The following NXPH2 variants were observed in gnomAD, a reference collection of about 807,000 sequenced individuals.
The protein encoded by NXPH2 is neurexophilin-2.
A neutral mutation model predicts 19.8 loss-of-function variants in NXPH2; 5 were observed. That is an observed-to-expected ratio of 0.25 (90% CI 0.13 to 0.53). The LOEUF (loss-of-function observed/expected upper bound fraction) is 0.53, where lower values mean the gene tolerates loss of function less well. Ranked by LOEUF, NXPH2 falls within the 20% of genes least tolerant of loss-of-function variation. NXPH2 has a pLI of 0.96. For synonymous variants in NXPH2, 154 were observed against 127.4 expected (o/e 1.21, Z -1.41); for missense variants, 289 against 322.8 (o/e 0.90, Z 0.80).
intron 1 of NXPH2, among the ~76,000 whole-genome samples, chr2:138,718,839 C>G (rs1427402921): frequency 1.3e-5 from 2 of 152,016 alleles, no homozygotes; most frequent in Non-Finnish European, 2.9e-5. Flanking sequence ...ATAGACTACA[C>G]ATGGAATACA....
intron 1 of NXPH2, among the ~76,000 whole-genome samples, chr2:138,707,560 T>C (rs917230529): frequency 1.3e-5 from 2 of 152,174 alleles, no homozygotes; most frequent in African/African-American, 4.8e-5. Context: ...AAATGCTTTA[T>C]GCTATCACTT....
At chr2:138,707,505 C>A (rs1356285459) in intron 1 of NXPH2, among the ~76,000 whole-genome samples, 1 of 152,164 alleles carries the variant, frequency 6.6e-6, no homozygotes, top group Non-Finnish European at 1.5e-5. Context: ...ACTGGGTTGT[C>A]TGACCCCAAA....
intron 1 of NXPH2, among the ~76,000 whole-genome samples, chr2:138,768,525 G>A (rs1326673600): frequency 6.6e-6 from 1 of 152,192 alleles, no homozygotes; most frequent in Non-Finnish European, 1.5e-5. Flanking sequence ...CTTAAATGAA[G>A]TGAAGCAAGG....
chr2:138,672,094 TAA>T (rs913340267), intron 1 of NXPH2, among the ~76,000 whole-genome samples: 18 of 152,218 alleles, frequency 1.2e-4, no homozygotes, highest in Non-Finnish European at 1.9e-4. Flanking sequence ...ATGATATTGA[TAA>T]GTCTTAAGTA....
At chr2:138,685,967 G>A (rs1441779496) in intron 1 of NXPH2, among the ~76,000 whole-genome samples, 3 of 151,998 alleles carry the variant, frequency 2.0e-5, no homozygotes, top group South Asian at 2.1e-4. Flanking sequence ...CTTATTCATC[G>A]TATGTCTCTA....
intron 1 of NXPH2, among the ~76,000 whole-genome samples, chr2:138,769,595 G>T (rs1027060436): frequency 2.6e-5 from 4 of 152,098 alleles, no homozygotes; most frequent in Non-Finnish European, 5.9e-5. Context: ...AAAGGCAAAG[G>T]AGAACCACAC....
intron 1 of NXPH2, among the ~76,000 whole-genome samples, chr2:138,736,175 G>A (rs770798201): frequency 2.6e-5 from 4 of 152,176 alleles, no homozygotes; most frequent in Non-Finnish European, 2.9e-5. Context: ...AGCTACACTA[G>A]GTGGTATCCC....
At chr2:138,771,872 C>T (rs1036615381) in intron 1 of NXPH2, among the ~76,000 whole-genome samples, 1 of 152,098 alleles carries the variant, frequency 6.6e-6, no homozygotes, top group African/African-American at 2.4e-5. Flanking sequence ...CAAAAGAAAT[C>T]TGGGTGGAGA....
chr2:138,730,159 A>G (rs1239481644), intron 1 of NXPH2, among the ~76,000 whole-genome samples: 5 of 151,680 alleles, frequency 3.3e-5, no homozygotes, highest in Non-Finnish European at 5.9e-5. Context: ...CATATGACAT[A>G]TGACTTTTTA....
intron 1 of NXPH2, among the ~76,000 whole-genome samples, chr2:138,704,298 A>G (rs1680976500): frequency 6.6e-6 from 1 of 152,250 alleles, no homozygotes; most frequent in Non-Finnish European, 1.5e-5. Context: ...GATATAACCC[A>G]GGCTCTGTAA....
chr2:138,677,240 ATAT>A (rs1680497049), intron 1 of NXPH2, among the ~76,000 whole-genome samples: 1 of 152,206 alleles, frequency 6.6e-6, no homozygotes, highest in Non-Finnish European at 1.5e-5. Context: ...TTCCCCCATC[ATAT>A]TATAATAATA....
At chr2:138,706,790 C>T (rs945273773) in intron 1 of NXPH2, among the ~76,000 whole-genome samples, 2 of 151,748 alleles carry the variant, frequency 1.3e-5, no homozygotes, top group South Asian at 2.1e-4. Flanking sequence ...GAAGTCCCAC[C>T]TACTCAGGAG....
Position 138,671,497 on chromosome 2 carries a change from C to T in NXPH2, c.220G>A (p.Ala74Thr), listed in dbSNP as rs1680413369. The change falls in exon 2 of 2, where the codon GCA (alanine) becomes ACA (threonine). Residue 74 changes from alanine (A) to threonine (T), a missense_variant. Physicochemically the swap from Ala to Thr is moderately conservative, Grantham distance 58. Coordinates refer to ENST00000272641, the MANE Select transcript of NXPH2 (RefSeq NM_007226.3). ...PVPKPGPMAYADSMENFWDWL... is the reference protein window; with the variant it reads ...PVPKPGPMAYTDSMENFWDWL... ...TCCCAAAAGTTTTCCATGCTGTCTG[C>T]GTACGCCATGGGGCCGGGCTTGGGC... 6.2e-7 allele frequency: 1 copy of T among 1,613,958 alleles called. No homozygotes were observed. The highest frequency in any genetic ancestry group is 8.5e-7 in the Non-Finnish European group (1 of 1,179,852).
At chr2:138,678,552 A>G (rs1223983286) in intron 1 of NXPH2, among the ~76,000 whole-genome samples, 1 of 152,144 alleles carries the variant, frequency 6.6e-6, no homozygotes, top group Non-Finnish European at 1.5e-5. Flanking sequence ...TCACTGAATT[A>G]TCTAAAATAA....
At chr2:138,769,239 T>C (rs1455057525) in intron 1 of NXPH2, among the ~76,000 whole-genome samples, 2 of 152,126 alleles carry the variant, frequency 1.3e-5, no homozygotes, top group Non-Finnish European at 2.9e-5. Flanking sequence ...AGTGATGACA[T>C]GGCTGGGGAT....
At chr2:138,682,449 A>G (rs1476468174) in intron 1 of NXPH2, among the ~76,000 whole-genome samples, 1 of 152,210 alleles carries the variant, frequency 6.6e-6, no homozygotes, top group African/African-American at 2.4e-5. Context: ...GAATGACAAA[A>G]AAAGAATGAA....
chr2:138,714,293 T>A (rs1326980339), intron 1 of NXPH2, among the ~76,000 whole-genome samples: 2 of 152,216 alleles, frequency 1.3e-5, no homozygotes, highest in African/African-American at 4.8e-5. Flanking sequence ...TTTGTATTTT[T>A]GGCTCCCTAT....
intron 1 of NXPH2, among the ~76,000 whole-genome samples, chr2:138,699,182 A>T (rs1680878760): frequency 6.6e-6 from 1 of 152,198 alleles, no homozygotes; most frequent in African/African-American, 2.4e-5. Context: ...CTTCAACTAC[A>T]TATGCAGAGA....
intron 1 of NXPH2, among the ~76,000 whole-genome samples, chr2:138,723,445 C>T (rs1573967034): frequency 2.6e-5 from 4 of 152,118 alleles, no homozygotes; most frequent in East Asian, 3.9e-4. Flanking sequence ...TCAATGATTA[C>T]GCCATGAGGA....
Sources: allele counts gnomAD v4.1 joint callset (sites outside exome capture counted in the v4.1 genomes callset), GRCh38; gene constraint gnomAD v4.1.1; transcripts MANE v1.5; gene names NCBI Gene and HGNC (gene_info 2026-07-23, HGNC 2026-07-21).